PALLD: variants seen among roughly 807,000 people sequenced by gnomAD.
The protein encoded by PALLD is palladin.
In PALLD, 61 loss-of-function variants were observed where a neutral mutation model predicts 123.5. The observed-to-expected ratio is 0.49, with a 90% CI of 0.40 to 0.61. The LOEUF is 0.61. Among genes scored for constraint, PALLD ranks in the 20% least tolerant of loss-of-function variants. The pLI is 0.00. For synonymous variants in PALLD, 465 were observed against 496.4 expected (o/e 0.94, Z 0.84); for missense variants, 1,273 against 1,377.0 (o/e 0.92, Z 1.20).
intron 2 of PALLD, among the ~76,000 whole-genome samples, chr4:168,563,176 G>A (rs1033586056): frequency 2.0e-5 from 3 of 152,080 alleles, no homozygotes; most frequent in African/African-American, 7.3e-5. Context: ...TGGTTGAGAA[G>A]ACAGTTGGTG....
At chr4:168,685,352 A>C in intron 5 of PALLD, 133 bp from the exon 6 acceptor site, 1 of 746,852 alleles carries the variant, frequency 1.3e-6, no homozygotes, top group Non-Finnish European at 2.5e-6. Flanking sequence ...AGACGAGCAA[A>C]ATGATGTATG....
At chr4:168,714,238 A>G (rs1446847299) in intron 10 of PALLD, among the ~76,000 whole-genome samples, 1 of 152,096 alleles carries the variant, frequency 6.6e-6, no homozygotes, top group African/African-American at 2.4e-5. Flanking sequence ...CAGCCCTCTG[A>G]AAGTTGTGGT....
intron 10 of PALLD, among the ~76,000 whole-genome samples, chr4:168,816,069 G>T (rs1581616648): frequency 6.6e-6 from 1 of 152,144 alleles, no homozygotes; most frequent in Non-Finnish European, 1.5e-5. Flanking sequence ...CATCCGCTTT[G>T]TTCCGGGAAC....
chr4:168,870,704 G>T (rs1750959431), intron 10 of PALLD, among the ~76,000 whole-genome samples: 1 of 152,044 alleles, frequency 6.6e-6, no homozygotes, highest in African/African-American at 2.4e-5. Flanking sequence ...AGTTTATTAG[G>T]ACCTTAAAGT....
intron 10 of PALLD, among the ~76,000 whole-genome samples, chr4:168,799,809 G>T (rs1158038078): frequency 1.7e-5 from 2 of 115,414 alleles, no homozygotes; most frequent in African/African-American, 5.2e-5. Context: ...CCCTGAGGCA[G>T]AAAATGTAAA....
intron 10 of PALLD, among the ~76,000 whole-genome samples, chr4:168,783,046 ATGTGTGTGTGTG>A (rs150595576): frequency 0.01 from 1,162 of 116,158 alleles, 19 homozygotes; most frequent in African/African-American, 0.03. Context: ...TTATATATAT[ATGTGTGTGTGTG>A]TGTGTGTGTG....
intron 10 of PALLD, among the ~76,000 whole-genome samples, chr4:168,746,028 T>G (rs955911): frequency 0.56 from 84,754 of 151,840 alleles, 23,966 homozygotes; most frequent in African/African-American, 0.65. Flanking sequence ...GGAAATCATG[T>G]GTCCAAAATA....
chr4:168,759,162 A>C (rs1490637147), intron 10 of PALLD, among the ~76,000 whole-genome samples: 1 of 120,676 alleles, frequency 8.3e-6, no homozygotes, highest in Non-Finnish European at 1.7e-5. Context: ...CTGGGTGACA[A>C]GAGTGAGACT....
intron 8 of PALLD, among the ~76,000 whole-genome samples, chr4:168,706,280 A>T (rs756548196): frequency 5.3e-5 from 8 of 152,190 alleles, no homozygotes; most frequent in Non-Finnish European, 1.0e-4. Flanking sequence ...ATTGCCCTTT[A>T]CTTTTACCTC....
chr4:168,905,138 G>GTTTTT (rs777740588), intron 15 of PALLD, among the ~76,000 whole-genome samples: 2 of 34,524 alleles, frequency 5.8e-5, no homozygotes, highest in African/African-American at 1.5e-4. Context: ...TGTTTTGTTG[G>GTTTTT]TTTTTTTTTT....
chr4:168,571,623 G>C (rs1405196692), intron 2 of PALLD, among the ~76,000 whole-genome samples: 1 of 152,100 alleles, frequency 6.6e-6, no homozygotes, highest in Admixed American at 6.6e-5. Flanking sequence ...TAGAAGTCAA[G>C]CCACTCAGTT....
At chr4:168,551,631 T>G (rs980592714) in intron 2 of PALLD, among the ~76,000 whole-genome samples, 1 of 152,140 alleles carries the variant, frequency 6.6e-6, no homozygotes, top group African/African-American at 2.4e-5. Context: ...TGACAATAGT[T>G]TAGAATAAAA....
In PALLD at chr4:168,761,645, G is replaced by GTTTTTTTTTTTTTTTTTTTTTTTTT. The variant is rs70961555; in HGVS notation, c.1964+49729_1964+49753dup. ...CCAGCTATTTTTGTTGTTGTTGTTT[G>GTTTTTTTTTTTTTTTTTTTTTTTTT]TTTTTTTTTTTTTTTTTTTTTTTTT... On this transcript the variant is annotated intron_variant, in intron 10 of 21. Transcript: ENST00000505667. Among the ~76,000 whole-genome samples the GTTTTTTTTTTTTTTTTTTTTTTTTT allele has an allele frequency of 2.1e-3, 187 of 87,904 alleles. 29 individuals carry two copies. The highest frequency in any genetic ancestry group is 4.2e-3 in the Admixed American group (26 of 6,234). The allele number at this position is 87,904 out of a possible 152,430, so 57.7% of individuals were successfully genotyped here.
intron 8 of PALLD, among the ~76,000 whole-genome samples, chr4:168,707,011 G>T (rs1329126223): frequency 6.6e-6 from 1 of 152,154 alleles, no homozygotes. Flanking sequence ...TTATTAATTT[G>T]ATGTATAGGT....
At chr4:168,612,760 G>A (rs1479738523) in intron 2 of PALLD, among the ~76,000 whole-genome samples, 1 of 152,122 alleles carries the variant, frequency 6.6e-6, no homozygotes, top group Non-Finnish European at 1.5e-5. Flanking sequence ...TAGAGTCGAG[G>A]GACTCATGCT....
In PALLD at chr4:168,844,142, C is replaced by T. The variant is rs930875822; in HGVS notation, c.1965-46780C>T. 6.6e-6 allele frequency: 1 copy of T among 152,134 alleles called. No individual in the cohort carries two copies. Among genetic ancestry groups the T allele is most frequent in the Non-Finnish European group, 1.5e-5 (1 of 68,022 alleles). The allele number at this position is 152,134 out of a possible 1,614,324, so 9.4% of individuals were successfully genotyped here. On this transcript the variant is annotated intron_variant, in intron 10 of 21. Transcript: ENST00000505667. This position sits in a 1 kb window ranked among gnomAD's most constrained non-coding sequence, Gnocchi z 4.5. ...GTATCTGGTTGTGCAAATCAAAGAG[C>T]TTTGACAGTTTGTTTTTTGTTTGTT... is the stretch of plus-strand genomic sequence containing the variant.
chr4:168,898,100 A>G, intron 13 of PALLD: 1 of 271,944 alleles, frequency 3.7e-6, no homozygotes, highest in South Asian at 4.3e-5. Context: ...GGAGAGATGT[A>G]CCACCCTGCA....
At chr4:168,800,791 A>G (rs1232753758) in intron 10 of PALLD, among the ~76,000 whole-genome samples, 1 of 152,202 alleles carries the variant, frequency 6.6e-6, no homozygotes, top group Non-Finnish European at 1.5e-5. Context: ...ACATACGTGC[A>G]CCCAGAGACA....
chr4:168,755,150 A>G (rs375170005), intron 10 of PALLD, among the ~76,000 whole-genome samples: 133 of 150,224 alleles, frequency 8.9e-4, no homozygotes, highest in South Asian at 4.6e-3. Context: ...GGAGAATGGC[A>G]TGAGCCTGGG....
Sources: gnomAD v4.1 joint callset for allele counts (sites outside exome capture counted in the v4.1 genomes callset) on GRCh38, gnomAD v4.1.1 for gene constraint, Gnocchi (gnomAD v3.1) non-coding constraint, MANE v1.5 for transcripts, NCBI Gene and HGNC (gene_info 2026-07-23, HGNC 2026-07-21) for gene names.